The following COL24A1 variants were observed in gnomAD, a reference collection of about 807,000 sequenced individuals.
COL24A1 encodes collagen alpha-1(XXIV) chain.
A neutral mutation model predicts 253.9 loss-of-function variants in COL24A1; 224 were observed. The ratio of observed to expected loss-of-function variants is 0.88; its 90% CI spans 0.79 to 0.99. COL24A1 has a LOEUF of 0.99. COL24A1 is among the 50% of genes least tolerant of loss of function. COL24A1 has a pLI of 0.00. For missense variants in COL24A1, 2,131 were observed against 2,068.5 expected (o/e 1.03, Z -0.59); for synonymous variants, 685 against 673.7 (o/e 1.02, Z -0.26).
intron 37 of COL24A1, among the ~76,000 whole-genome samples, chr1:85,856,864 A>G (rs1438166839): frequency 6.6e-6 from 1 of 152,042 alleles, no homozygotes; most frequent in Non-Finnish European, 1.5e-5. Flanking sequence ...ACATTTCATG[A>G]GTTGAGTCTG....
intron 19 of COL24A1, among the ~76,000 whole-genome samples, chr1:86,004,293 T>C (rs1394046123): frequency 6.6e-6 from 1 of 152,148 alleles, no homozygotes; most frequent in Non-Finnish European, 1.5e-5. Flanking sequence ...AAAGTTCTAC[T>C]AGCACTACTA....
intron 24 of COL24A1, among the ~76,000 whole-genome samples, chr1:85,917,936 G>C (rs1686057539): frequency 6.6e-6 from 1 of 152,132 alleles, no homozygotes; most frequent in Non-Finnish European, 1.5e-5. Flanking sequence ...TCGAACTCCT[G>C]ACCTCAGGTG....
chr1:85,842,882 C>T (rs1570879863), intron 39 of COL24A1, among the ~76,000 whole-genome samples: 1 of 152,104 alleles, frequency 6.6e-6, no homozygotes, highest in Admixed American at 6.6e-5. Context: ...TGACAACTTA[C>T]ATGTAATAGT....
At chr1:85,816,579 T>G (rs564364307) in intron 47 of COL24A1, among the ~76,000 whole-genome samples, 1 of 152,216 alleles carries the variant, frequency 6.6e-6, no homozygotes, top group Non-Finnish European at 1.5e-5. Flanking sequence ...ATTAACACTA[T>G]GAGTTATTAG....
chr1:86,063,130 A>C (rs919079822), intron 8 of COL24A1, among the ~76,000 whole-genome samples: 44 of 152,220 alleles, frequency 2.9e-4, no homozygotes, highest in African/African-American at 1.0e-3. Flanking sequence ...TTCTGATGAG[A>C]GAAAAGCAAT....
At chr1:86,114,970 T>C (rs1705994538) in intron 4 of COL24A1, among the ~76,000 whole-genome samples, 1 of 152,178 alleles carries the variant, frequency 6.6e-6, no homozygotes, top group African/African-American at 2.4e-5. Flanking sequence ...GAATGTACTA[T>C]TTTAAGGCAG....
At chr1:86,064,600 T>G (rs1701338157) in intron 7 of COL24A1, among the ~76,000 whole-genome samples, 1 of 152,192 alleles carries the variant, frequency 6.6e-6, no homozygotes, top group South Asian at 2.1e-4. Flanking sequence ...ACTTAAAATA[T>G]AATTCAAAAG....
chr1:85,756,278 G>C (rs1666248226), intron 55 of COL24A1, among the ~76,000 whole-genome samples: 1 of 152,070 alleles, frequency 6.6e-6, no homozygotes, highest in East Asian at 1.9e-4. Context: ...AATTAGCCAG[G>C]CGTGGTGGAG....
intron 14 of COL24A1, among the ~76,000 whole-genome samples, chr1:86,024,248 G>A (rs1047560951): frequency 3.3e-5 from 5 of 152,036 alleles, no homozygotes; most frequent in African/African-American, 7.2e-5. Flanking sequence ...CTTCTACTAC[G>A]CTACTTAGTA....
chr1:85,867,613 G>A (rs1004760760), intron 37 of COL24A1, among the ~76,000 whole-genome samples: 5 of 152,124 alleles, frequency 3.3e-5, no homozygotes, highest in African/African-American at 4.8e-5. Context: ...GAGAACCCAC[G>A]TTTAAAGATA....
intron 24 of COL24A1, among the ~76,000 whole-genome samples, chr1:85,920,392 C>G (rs1239105225): frequency 1.3e-5 from 2 of 152,092 alleles, no homozygotes; most frequent in Non-Finnish European, 2.9e-5. Context: ...AAAGTTAATC[C>G]ACATTGTCTG....
At chr1:86,089,963 C>T (rs561993325) in intron 6 of COL24A1, among the ~76,000 whole-genome samples, 2 of 152,304 alleles carry the variant, frequency 1.3e-5, no homozygotes, top group African/African-American at 2.4e-5. Flanking sequence ...GAGAATCTCA[C>T]GGGCTGTGGT....
Position 85,868,596 on chromosome 1 carries a change from C to T in COL24A1, c.3223G>A (p.Glu1075Lys). Residue 1075 changes from glutamate to lysine, a missense_variant, in exon 37 of 60, where the codon GAG becomes AAG. Coordinates refer to ENST00000370571, the MANE Select transcript of COL24A1 (RefSeq NM_152890.7). ...GVPGGRGLPG[E>K]DGEKGEMGLP... ...CCCATCTCTCCTTTTTCTCCATCCT[C>T]TCCAGGAAGTCCCCTTCCTCCTGGT... 6.2e-7 allele frequency: 1 copy of T among 1,613,886 alleles called. No individual in the cohort carries two copies. Among genetic ancestry groups the T allele is most frequent in the South Asian group, 1.1e-5 (1 of 91,082 alleles).
intron 24 of COL24A1, among the ~76,000 whole-genome samples, chr1:85,933,614 C>T (rs1048566218): frequency 2.6e-5 from 4 of 152,152 alleles, no homozygotes; most frequent in African/African-American, 2.4e-5. Context: ...GACTAAGGTG[C>T]TGTGACTTAT....
chr1:86,115,894 T>C (rs560802707), intron 3 of COL24A1, among the ~76,000 whole-genome samples: 30 of 152,296 alleles, frequency 2.0e-4, no homozygotes, highest in Non-Finnish European at 1.0e-4. Context: ...ATCTGACTTA[T>C]ACCAATTGCA....
chr1:85,762,963 C>G (rs947302966), intron 53 of COL24A1, among the ~76,000 whole-genome samples: 1 of 152,120 alleles, frequency 6.6e-6, no homozygotes, highest in Non-Finnish European at 1.5e-5. Flanking sequence ...TTCAAACCCA[C>G]CAGGATAGGG....
intron 55 of COL24A1, among the ~76,000 whole-genome samples, chr1:85,748,650 C>G (rs1245769540): frequency 6.9e-6 from 1 of 145,492 alleles, no homozygotes; most frequent in Admixed American, 6.9e-5. Flanking sequence ...GAGTGCCAGA[C>G]AGTGGGCGCA....
intron 2 of COL24A1, among the ~76,000 whole-genome samples, chr1:86,142,760 G>A (rs951852498): frequency 2.0e-5 from 3 of 152,026 alleles, no homozygotes; most frequent in Non-Finnish European, 2.9e-5. Flanking sequence ...AAAACATAAC[G>A]CAGGAAAATT....
chr1:85,841,947 A>C, intron 41 of COL24A1, 121 bp downstream of exon 41: 2 of 756,104 alleles, frequency 2.6e-6, no homozygotes, highest in Non-Finnish European at 4.4e-6. Flanking sequence ...AGAATTAGTA[A>C]AATTTTCAAC....
Sources: allele counts gnomAD v4.1 joint callset (sites outside exome capture counted in the v4.1 genomes callset), GRCh38; gene constraint gnomAD v4.1.1; transcripts MANE v1.5; gene names NCBI Gene and HGNC (gene_info 2026-07-23, HGNC 2026-07-21).